CAB39L: variants seen among roughly 807,000 people sequenced by gnomAD.
The protein encoded by CAB39L is calcium binding protein 39 like.
In CAB39L, 23 loss-of-function variants were observed where a neutral mutation model predicts 39.1. That is an observed-to-expected ratio of 0.59 (90% CI 0.42 to 0.83). CAB39L has a LOEUF of 0.83. CAB39L is among the 40% of genes least tolerant of loss of function. The pLI, the probability that CAB39L is intolerant of heterozygous loss-of-function variation, is 0.00. For missense variants in CAB39L, 366 were observed against 391.9 expected (o/e 0.93, Z 0.56); for synonymous variants, 126 against 137.2 (o/e 0.92, Z 0.57).
intron 6 of CAB39L, among the ~76,000 whole-genome samples, chr13:49,353,918 G>A (rs915237887): frequency 5.3e-5 from 8 of 152,034 alleles, no homozygotes; most frequent in Non-Finnish European, 1.0e-4. Flanking sequence ...CACGAAGCAT[G>A]CATATAATGA....
At chr13:49,385,133 C>T (rs920810019) in intron 3 of CAB39L, among the ~76,000 whole-genome samples, 1 of 152,204 alleles carries the variant, frequency 6.6e-6, no homozygotes, top group South Asian at 2.1e-4. Context: ...TGTGTGGCCA[C>T]CCTCACCAAT....
In CAB39L at chr13:49,387,190, C is replaced by T. The variant is rs563234949; in HGVS notation, c.-31-4249G>A. On this transcript the variant is annotated intron_variant, in intron 3 of 10. Coordinates refer to ENST00000409308, the MANE Select transcript of CAB39L (RefSeq NM_001079670.3). ...AGGGCTCTAGGTTATTCACCACTGT[C>T]CCACACCCATTCTGAGTCTTTAACC... Among the ~76,000 whole-genome samples, 20 of 152,256 alleles carry T rather than the reference C, an allele frequency of 1.3e-4. No individual in the cohort carries two copies. In the South Asian group the frequency reaches 4.1e-3, roughly 32 times the overall value.
chr13:49,439,927 T>TTTG (rs1957480687), intron 1 of CAB39L, among the ~76,000 whole-genome samples: 1 of 134,176 alleles, frequency 7.5e-6, no homozygotes, highest in South Asian at 2.8e-4. Context: ...ATGGGTTTTT[T>TTTG]TTTTTTTTTT....
intron 7 of CAB39L, among the ~76,000 whole-genome samples, chr13:49,348,880 AGCCTGCAGGCTCC>A (rs1016886519): frequency 1.3e-5 from 2 of 152,144 alleles, no homozygotes; most frequent in Admixed American, 6.5e-5. Flanking sequence ...CTGACGGCCC[AGCCTGCAGGCTCC>A]GCCTCCAGGG....
At position 49,331,555 on chromosome 13, in the gene CAB39L, A is replaced by G. The variant is rs138123731; in HGVS notation, c.834+392T>C. 3.2e-3 allele frequency among the ~76,000 whole-genome samples: 493 copies of G among 152,252 alleles called. 6 individuals are homozygous for G. Among genetic ancestry groups the G allele is most frequent in the Non-Finnish European group, 1.0e-3 (70 of 68,026 alleles). On this transcript the variant is annotated intron_variant, in intron 10 of 10. Coordinates refer to ENST00000409308, the MANE Select transcript of CAB39L (RefSeq NM_001079670.3). The stretch of plus-strand genomic sequence containing the variant: ...AAATACATTGTAAAAAAATAATAAT[A>G]TTAATAATGTGAGTAGTACCCGACT...
At chr13:49,392,910 T>G (rs1030229715) in intron 3 of CAB39L, 5 of 152,124 alleles carry the variant, frequency 3.3e-5, no homozygotes, top group Admixed American at 2.6e-4. Flanking sequence ...AAATAAAAAT[T>G]ATCTCAGTGG....
chr13:49,349,182 C>A (rs1229470692), intron 7 of CAB39L, among the ~76,000 whole-genome samples: 1 of 152,094 alleles, frequency 6.6e-6, no homozygotes, highest in Non-Finnish European at 1.5e-5. Context: ...GAACTATTTA[C>A]CATCTAAGTC....
intron 1 of CAB39L, among the ~76,000 whole-genome samples, chr13:49,442,202 C>A (rs1162058613): frequency 6.6e-6 from 1 of 152,074 alleles, no homozygotes; most frequent in Non-Finnish European, 1.5e-5. Flanking sequence ...CATTCAACAG[C>A]CTATGCCACT....
At chr13:49,442,649 G>A (rs758991954) in intron 1 of CAB39L, among the ~76,000 whole-genome samples, 5 of 151,852 alleles carry the variant, frequency 3.3e-5, no homozygotes, top group Non-Finnish European at 7.4e-5. Flanking sequence ...AAAATTAGCT[G>A]GGCGTGATGG....
chr13:49,439,748 GTTTT>G (rs961374006), intron 1 of CAB39L, among the ~76,000 whole-genome samples: 30 of 152,130 alleles, frequency 2.0e-4, no homozygotes, highest in African/African-American at 7.0e-4. Flanking sequence ...CACATCTGTT[GTTTT>G]TTGACTTTTT....
chr13:49,413,193 A>T (rs1303985228), intron 3 of CAB39L, among the ~76,000 whole-genome samples: 1 of 152,226 alleles, frequency 6.6e-6, no homozygotes, highest in Non-Finnish European at 1.5e-5. Flanking sequence ...AAGAAAATAC[A>T]AAAGGAAGAA....
chr13:49,374,968 A>G (rs1956015823), intron 5 of CAB39L, among the ~76,000 whole-genome samples: 1 of 152,200 alleles, frequency 6.6e-6, no homozygotes, highest in East Asian at 1.9e-4. Flanking sequence ...CTATACTACT[A>G]TAAGAATAGG....
At chr13:49,434,381 A>C (rs1957375159) in intron 1 of CAB39L, among the ~76,000 whole-genome samples, 158 bp from the exon 2 acceptor site, 3 of 152,242 alleles carry the variant, frequency 2.0e-5, no homozygotes, top group Admixed American at 2.0e-4. Context: ...CAGCTGCAAG[A>C]AACAAATGAT....
chr13:49,366,544 T>C (rs957975834), intron 5 of CAB39L, among the ~76,000 whole-genome samples: 14 of 148,378 alleles, frequency 9.4e-5, no homozygotes, highest in Non-Finnish European at 1.6e-4. Flanking sequence ...GGGGAATCGC[T>C]TCAACCCAGG....
chr13:49,359,052 G>A (rs1224067437), intron 6 of CAB39L, among the ~76,000 whole-genome samples: 1 of 152,082 alleles, frequency 6.6e-6, no homozygotes, highest in Non-Finnish European at 1.5e-5. Context: ...ATAAAGAGAC[G>A]TCCTGGTTTG....
chr13:49,366,365 AAGAAAAAAAG>A (rs1955771156), intron 5 of CAB39L, among the ~76,000 whole-genome samples: 1 of 152,196 alleles, frequency 6.6e-6, no homozygotes, highest in South Asian at 2.1e-4. Flanking sequence ...AAAAATTAAA[AAGAAAAAAAG>A]AGAAAAAAGA....
At chr13:49,346,100 G>GAGAGATATATATATATAT (rs1555254610) in intron 7 of CAB39L, among the ~76,000 whole-genome samples, 1 of 30,946 alleles carries the variant, frequency 3.2e-5, no homozygotes, top group African/African-American at 1.4e-4. Flanking sequence ...ATATATGCTA[G>GAGAGATATATATATATAT]ATATATATAT....
intron 5 of CAB39L, 21 bp downstream of exon 5, chr13:49,376,946 A>G (rs1214897608): frequency 1.9e-6 from 3 of 1,564,348 alleles, no homozygotes; most frequent in Middle Eastern, 1.7e-4. Flanking sequence ...CACCACTGAC[A>G]TCCTTTTACA....
At chr13:49,438,005 TA>T (rs68030455) in intron 1 of CAB39L, among the ~76,000 whole-genome samples, 13,704 of 151,566 alleles carry the variant, frequency 0.09, 807 homozygotes, top group South Asian at 0.27. Context: ...TTTTATTTTT[TA>T]TTTTTTTTAA....
Sources: gnomAD v4.1 joint callset for allele counts (sites outside exome capture counted in the v4.1 genomes callset) on GRCh38, gnomAD v4.1.1 for gene constraint, MANE v1.5 for transcripts, NCBI Gene and HGNC (gene_info 2026-07-23, HGNC 2026-07-21) for gene names.